The following GNA12 variants were observed in gnomAD, a reference collection of about 807,000 sequenced individuals.
GNA12 encodes guanine nucleotide-binding protein subunit alpha-12.
In GNA12, 9 loss-of-function variants were observed where a neutral mutation model predicts 26.0. The ratio of observed to expected loss-of-function variants is 0.35; its 90% CI spans 0.21 to 0.60. The LOEUF (loss-of-function observed/expected upper bound fraction) is 0.60. Among genes scored for constraint, GNA12 ranks in the 20% least tolerant of loss-of-function variants. The pLI is 0.78. For synonymous variants in GNA12, 264 were observed against 219.6 expected (o/e 1.20, Z -1.79); for missense variants, 405 against 525.8 (o/e 0.77, Z 2.25).
At chr7:2,790,697 G>C (rs558253167) in intron 2 of GNA12, among the ~76,000 whole-genome samples, 1 of 152,230 alleles carries the variant, frequency 6.6e-6, no homozygotes, top group East Asian at 1.9e-4. Flanking sequence ...GGCTGGGCCT[G>C]GTGGTATGCA....
chr7:2,734,275 G>C (rs1790047740), intron 2 of GNA12, among the ~76,000 whole-genome samples: 1 of 152,204 alleles, frequency 6.6e-6, no homozygotes, highest in Admixed American at 6.5e-5. Context: ...GCCCGCATAT[G>C]AACAGGCACG....
intron 1 of GNA12, among the ~76,000 whole-genome samples, chr7:2,834,485 C>A (rs1345193952): frequency 6.6e-6 from 1 of 152,182 alleles, no homozygotes; most frequent in Non-Finnish European, 1.5e-5. Flanking sequence ...AGGGGCTCTG[C>A]AATATGCACT....
intron 2 of GNA12, among the ~76,000 whole-genome samples, chr7:2,736,742 G>A (rs1790199724): frequency 6.6e-6 from 1 of 152,188 alleles, no homozygotes; most frequent in Non-Finnish European, 1.5e-5. Flanking sequence ...AAAGACACAC[G>A]CTCGGCTTGC....
chr7:2,791,302 G>A (rs1792511993), intron 2 of GNA12, among the ~76,000 whole-genome samples: 1 of 152,228 alleles, frequency 6.6e-6, no homozygotes, highest in South Asian at 2.1e-4. Flanking sequence ...CTCATGGGGT[G>A]TCTGCTGTCT....
At chr7:2,811,180 C>G (rs558562484) in intron 1 of GNA12, among the ~76,000 whole-genome samples, 1 of 152,188 alleles carries the variant, frequency 6.6e-6, no homozygotes, top group African/African-American at 2.4e-5. Context: ...GGGCTCCAGG[C>G]GAACCATTTC....
rs1562394801 is a variant in GNA12, at chr7:2,737,268, TG to T, written c.526-3768del. Among the ~76,000 whole-genome samples, 865 of 105,934 alleles carry T rather than the reference TG, an allele frequency of 8.2e-3. 17 individuals are homozygous for T. The highest frequency in any genetic ancestry group is 0.011 in the East Asian group (41 of 3,662). The allele number at this position is 105,934 out of a possible 152,430, so 69.5% of individuals were successfully genotyped here. On this transcript the variant is annotated intron_variant, in intron 2 of 3. Coordinates refer to ENST00000275364, the MANE Select transcript of GNA12 (RefSeq NM_007353.3). ...CCATTCAGGAGCTATCTCACAGTTT[TG>T]TTTTGTTTTTTTTTTTTTTGTTTTT...
At chr7:2,760,100 G>A (rs931875244) in intron 2 of GNA12, among the ~76,000 whole-genome samples, 6 of 152,260 alleles carry the variant, frequency 3.9e-5, no homozygotes, top group African/African-American at 1.4e-4. Context: ...GGCCTCTGTT[G>A]GCAATGTGTA....
chr7:2,751,314 C>G (rs1262678637), intron 2 of GNA12, among the ~76,000 whole-genome samples: 2 of 151,546 alleles, frequency 1.3e-5, no homozygotes, highest in African/African-American at 4.8e-5. Context: ...TCACTTCAAC[C>G]CAGAAGGCCG....
chr7:2,805,019 A>T (rs967213708), intron 1 of GNA12, among the ~76,000 whole-genome samples: 4 of 152,232 alleles, frequency 2.6e-5, no homozygotes, highest in Admixed American at 6.5e-5. Context: ...ACCCCCAGGC[A>T]GTGTTCTTTA....
rs148835112 is a variant in GNA12 at position 2,772,773 on chromosome 7, A to G, written c.525+22155T>C. Reference sequence around the variant, plus strand: ...TGGAGAAATAGTTGGCAAACCCAGCAATCCCACTCCTAGGTATATTTCCAA... The same window carrying G: ...TGGAGAAATAGTTGGCAAACCCAGCGATCCCACTCCTAGGTATATTTCCAA... On this transcript the variant is annotated intron_variant, in intron 2 of 3. Coordinates refer to ENST00000275364, the MANE Select transcript of GNA12 (RefSeq NM_007353.3). Among the ~76,000 whole-genome samples the G allele has an allele frequency of 4.1e-3, 624 of 152,314 alleles. 5 individuals carry two copies. Among genetic ancestry groups the G allele is most frequent in the African/African-American group, 0.014 (593 of 41,570 alleles).
At chr7:2,803,834 C>A (rs1562436948) in intron 1 of GNA12, among the ~76,000 whole-genome samples, 1 of 152,038 alleles carries the variant, frequency 6.6e-6, no homozygotes, top group African/African-American at 2.4e-5. Context: ...AAAAACAACT[C>A]CAAACCAATC....
In GNA12 at chr7:2,807,920, C is replaced by T. The variant is rs569510771; in HGVS notation, c.310-12777G>A. Among the ~76,000 whole-genome samples the T allele has an allele frequency of 5.4e-4, 82 of 152,268 alleles. No homozygotes were observed. In the South Asian group the frequency reaches 0.014, roughly 26 times the overall value. ...GCTGAGCTCATGAAAAACCTGTTCGCGCAGAAACCGCTCTGTGCCCCGTGG... is the reference window on the plus strand; with the variant it reads ...GCTGAGCTCATGAAAAACCTGTTCGTGCAGAAACCGCTCTGTGCCCCGTGG... On this transcript the variant is annotated intron_variant, in intron 1 of 3. Coordinates refer to ENST00000275364, the MANE Select transcript of GNA12 (RefSeq NM_007353.3).
chr7:2,738,839 G>GT (rs954616152), intron 2 of GNA12, among the ~76,000 whole-genome samples: 1 of 152,170 alleles, frequency 6.6e-6, no homozygotes, highest in African/African-American at 2.4e-5. Context: ...TATTTTGTTT[G>GT]TTTTTTTGTT....
intron 1 of GNA12, chr7:2,815,165 G>C: frequency 1.8e-6 from 1 of 567,200 alleles, no homozygotes. Flanking sequence ...CAAGTGGACA[G>C]GAACATCGGC....
intron 1 of GNA12, among the ~76,000 whole-genome samples, chr7:2,842,451 A>C (rs1779024443): frequency 6.6e-6 from 1 of 152,040 alleles, no homozygotes; most frequent in African/African-American, 2.4e-5. Context: ...GGTGCATTCC[A>C]CCATGCCCAA....
At chr7:2,796,155 T>C (rs1792667523) in intron 1 of GNA12, among the ~76,000 whole-genome samples, 1 of 152,150 alleles carries the variant, frequency 6.6e-6, no homozygotes, top group Non-Finnish European at 1.5e-5. Flanking sequence ...TAACAACAAC[T>C]ATAGTAGCCT....
At chr7:2,834,984 T>C (rs774322462) in intron 1 of GNA12, among the ~76,000 whole-genome samples, 1 of 152,210 alleles carries the variant, frequency 6.6e-6, no homozygotes, top group Non-Finnish European at 1.5e-5. Context: ...TACATTGCGA[T>C]GCGTGACTAT....
Position 2,729,596 on chromosome 7 carries a change from A to G in GNA12, c.*1585T>C, listed in dbSNP as rs1388903216. ...CTCTTCTGCTTCTGCATCTGCCCCA[A>G]GGGCTTGCGTTTACCGGGTTTGCGG... is the stretch of plus-strand genomic sequence containing the variant. On this transcript the variant is annotated 3_prime_UTR_variant, in exon 4 of 4. Transcript: ENST00000275364. 1.3e-5 allele frequency: 2 copies of G among 152,318 alleles called. No individual in the cohort carries two copies. The highest frequency in any genetic ancestry group is 2.4e-5 in the African/African-American group (1 of 41,434). The allele number at this position is 152,318 out of a possible 1,614,324, so 9.4% of individuals were successfully genotyped here.
chr7:2,803,660 G>A (rs987154048), intron 1 of GNA12, among the ~76,000 whole-genome samples: 1 of 152,160 alleles, frequency 6.6e-6, no homozygotes, highest in Non-Finnish European at 1.5e-5. Flanking sequence ...GTTGGACAGT[G>A]GGAAATCCAA....
Sources: allele counts gnomAD v4.1 joint callset (sites outside exome capture counted in the v4.1 genomes callset), GRCh38; gene constraint gnomAD v4.1.1; transcripts MANE v1.5; gene names NCBI Gene and HGNC (gene_info 2026-07-23, HGNC 2026-07-21).